The following SLC25A20 variants were observed in gnomAD, a reference collection of about 807,000 sequenced individuals.
SLC25A20 encodes the protein mitochondrial carnitine/acylcarnitine carrier protein.
SLC25A20 carries 29 observed loss-of-function variants against 39.7 expected under a neutral mutation model. That is an observed-to-expected ratio of 0.73 (90% CI 0.54 to 1.00). SLC25A20 has a LOEUF of 1.00. SLC25A20 is among the 50% of genes least tolerant of loss of function. The pLI is 0.00. For missense variants in SLC25A20, 333 were observed against 379.9 expected, an observed-to-expected ratio of 0.88 and a Z score of 1.03; for synonymous variants, 103 against 142.2, an observed-to-expected ratio of 0.72 and a Z score of 1.96.
chr3:48,892,117 T>C (rs376746050), intron 1 of SLC25A20, 45 bp from the exon 2 acceptor site: 163 of 1,480,374 alleles, frequency 1.1e-4, no homozygotes, highest in East Asian at 9.0e-5. Context: ...GAATCAGAAC[T>C]GCCTGTCAGC....
At chr3:48,893,874 AAGG>A (rs1238623556) in intron 1 of SLC25A20, among the ~76,000 whole-genome samples, 3 of 150,694 alleles carry the variant, frequency 2.0e-5, no homozygotes, top group Non-Finnish European at 4.4e-5. Flanking sequence ...AAAAAAAAAA[AAGG>A]AGGCCAGGCG....
chr3:48,891,732 A>G (rs1022597246), intron 2 of SLC25A20, among the ~76,000 whole-genome samples: 2 of 152,176 alleles, frequency 1.3e-5, no homozygotes, highest in Non-Finnish European at 2.9e-5. Flanking sequence ...TCCGTCGTCT[A>G]AATTCCATCT....
intron 4 of SLC25A20, among the ~76,000 whole-genome samples, chr3:48,873,617 CAAAT>C (rs2083733499): frequency 6.7e-6 from 1 of 148,926 alleles, no homozygotes; most frequent in Non-Finnish European, 1.5e-5. Flanking sequence ...TTAAAAAAAA[CAAAT>C]AAAATAAAAT....
At chr3:48,894,176 A>C (rs1298291249) in intron 1 of SLC25A20, among the ~76,000 whole-genome samples, 1 of 122,928 alleles carries the variant, frequency 8.1e-6, no homozygotes, top group African/African-American at 3.1e-5. Context: ...AAAAAAAAAG[A>C]AGAAGATTCT....
intron 2 of SLC25A20, among the ~76,000 whole-genome samples, chr3:48,890,846 G>C (rs1167950340): frequency 6.6e-6 from 1 of 150,874 alleles, no homozygotes; most frequent in African/African-American, 2.4e-5. Context: ...AGTAGAGATG[G>C]GGTTTCACCG....
At chr3:48,862,762 A>G in intron 4 of SLC25A20, 103 bp from the exon 5 acceptor site, 3 of 778,404 alleles carry the variant, frequency 3.9e-6, no homozygotes, top group South Asian at 1.4e-5. Context: ...TGTTACAGCA[A>G]TAAAAGACTT....
intron 8 of SLC25A20, 46 bp downstream of exon 8, chr3:48,858,461 C>CT: frequency 6.2e-7 from 1 of 1,613,562 alleles, no homozygotes; most frequent in South Asian, 1.1e-5. Context: ...CACATGCACC[C>CT]TGCCCTGAGC....
In SLC25A20 at chr3:48,872,182, G is replaced by A. The variant is rs944063246; in HGVS notation, c.417+7176C>T. On this transcript the variant is annotated intron_variant, in intron 4 of 8. Transcript: ENST00000319017. ...GTATTGCTCTGTTGCCCAGGCTGGA[G>A]TGCAGTGGCACAATCTTGGCTCACT... Among the ~76,000 whole-genome samples the A allele has an allele frequency of 9.3e-5, 14 of 151,162 alleles. No individual in the cohort carries two copies. In the Middle Eastern group the frequency reaches 0.017, roughly 184 times the overall value.
In SLC25A20 at chr3:48,890,526, G is replaced by A. The variant is rs557383809; in HGVS notation, c.198+1454C>T. On this transcript the variant is annotated intron_variant, in intron 2 of 8. Coordinates refer to ENST00000319017, the MANE Select transcript of SLC25A20 (RefSeq NM_000387.6). ...TAAGTGCATAGAGGAAAATGCTGAT[G>A]TATGCTGCCTTCCCTCTCTGCTTCG... is the stretch of plus-strand genomic sequence containing the variant. Among the ~76,000 whole-genome samples the A allele has an allele frequency of 4.6e-5, 7 of 151,762 alleles. No individual in the cohort carries two copies. In the East Asian group the frequency reaches 9.8e-4, roughly 21 times the overall value.
intron 3 of SLC25A20, among the ~76,000 whole-genome samples, chr3:48,879,934 C>G (rs1347836252): frequency 6.6e-6 from 1 of 152,106 alleles, no homozygotes; most frequent in Non-Finnish European, 1.5e-5. Flanking sequence ...TACCAAGGGC[C>G]TGAGAACACT....
rs1023165370 is a variant in SLC25A20, at chr3:48,883,858, A to G, written c.326+139T>C. The G allele has an allele frequency of 4.1e-6, 4 of 983,326 alleles. No homozygotes were observed. The African/African-American group carries it at 6.4e-5, about 16-fold the overall frequency. 60.9% of individuals were successfully genotyped at this position (983,326 alleles called of 1,614,324 possible). ...AAGCTGGACTCGACCTCCTGACCTC[A>G]GGTGATCCACCCGCCTCAGTCTCCC... On this transcript the variant is annotated intron_variant, in intron 3 of 8. Transcript: ENST00000319017.
At chr3:48,864,932 G>A (rs2083654413) in intron 4 of SLC25A20, among the ~76,000 whole-genome samples, 1 of 152,046 alleles carries the variant, frequency 6.6e-6, no homozygotes, top group South Asian at 2.1e-4. Context: ...GAATTTAAGA[G>A]GACTCCTGGG....
At chr3:48,862,755 T>TA in intron 4 of SLC25A20, 96 bp from the exon 5 acceptor site, 1 of 803,350 alleles carries the variant, frequency 1.2e-6, no homozygotes, top group East Asian at 2.4e-5. Context: ...CATTATGTGT[T>TA]ACAGCAATAA....
intron 7 of SLC25A20, 49 bp downstream of exon 7, chr3:48,859,043 G>C (rs1363237696): frequency 1.4e-6 from 2 of 1,475,406 alleles, no homozygotes; most frequent in African/African-American, 1.4e-5. Flanking sequence ...GGATTAGCCA[G>C]TGCTGGGGAC....
intron 2 of SLC25A20, among the ~76,000 whole-genome samples, chr3:48,890,416 C>T (rs975532798): frequency 2.0e-4 from 30 of 151,934 alleles, no homozygotes; most frequent in African/African-American, 7.0e-4. Context: ...GTCTTGATCT[C>T]CTGACCCTGT....
intron 7 of SLC25A20, 80 bp from the exon 8 acceptor site, chr3:48,858,711 A>T: frequency 6.3e-7 from 1 of 1,580,192 alleles, no homozygotes. Context: ...CAGGACTAGC[A>T]CAGGGAAAGG....
intron 3 of SLC25A20, among the ~76,000 whole-genome samples, chr3:48,880,274 C>T (rs907680685): frequency 1.3e-5 from 2 of 151,924 alleles, no homozygotes; most frequent in African/African-American, 4.8e-5. Context: ...TCTTTTCTTT[C>T]GTCTTTTTGT....
intron 4 of SLC25A20, among the ~76,000 whole-genome samples, chr3:48,878,818 A>G (rs896399406): frequency 1.3e-5 from 2 of 150,912 alleles, no homozygotes. Flanking sequence ...AAAAAAAAAA[A>G]TTTGTAGAGA....
chr3:48,883,031 C>CA (rs11293883), intron 3 of SLC25A20, among the ~76,000 whole-genome samples: 46 of 142,490 alleles, frequency 3.2e-4, no homozygotes, highest in African/African-American at 5.9e-4. Context: ...ACTAAAAATA[C>CA]AAAAAAAAAA....
Sources: allele counts gnomAD v4.1 joint callset (sites outside exome capture counted in the v4.1 genomes callset), GRCh38; gene constraint gnomAD v4.1.1; transcripts MANE v1.5; gene names NCBI Gene and HGNC (gene_info 2026-07-23, HGNC 2026-07-21).